LMNA: variants seen among roughly 807,000 people sequenced by gnomAD.
LMNA encodes lamin A/C.
LMNA carries 20 observed loss-of-function variants against 70.4 expected under a neutral mutation model. The observed-to-expected ratio is 0.28, with a 90% confidence interval of 0.20 to 0.41. The LOEUF is 0.41. Ranked by LOEUF, LMNA falls within the 10% of genes least tolerant of loss-of-function variation. LMNA has a pLI of 1.00. For missense variants in LMNA, 652 were observed against 917.2 expected (o/e 0.71, Z 3.73); for synonymous variants, 339 against 372.8 (o/e 0.91, Z 1.04).
intron 1 of LMNA, among the ~76,000 whole-genome samples, chr1:156,120,439 T>G (rs1558119269): frequency 6.6e-6 from 1 of 152,206 alleles, no homozygotes; most frequent in Non-Finnish European, 1.5e-5. Context: ...GACACCTTAG[T>G]GCTCTATGGC....
chr1:156,090,824 T>A (rs1313650717), intron 3 of LMNA, among the ~76,000 whole-genome samples: 2 of 152,148 alleles, frequency 1.3e-5, no homozygotes, highest in Non-Finnish European at 2.9e-5. Context: ...GTGGCCGGCT[T>A]GCATGGATCT....
Position 156,135,739 on chromosome 1 carries a change from A to T in LMNA, c.937-162A>T. The T allele has an allele frequency of 1.5e-6, 1 of 650,204 alleles. No individual in the cohort carries two copies. Among genetic ancestry groups the T allele is most frequent in the Non-Finnish European group, 2.7e-6 (1 of 371,594 alleles). 40.3% of individuals were successfully genotyped at this position (650,204 alleles called of 1,614,324 possible). A position where few individuals can be genotyped will look rare whatever the true frequency, so the allele number is the denominator to read the frequency against. On this transcript the variant is annotated intron_variant, in intron 5 of 11. Coordinates refer to ENST00000368300, the MANE Select transcript of LMNA (RefSeq NM_170707.4). This position sits in a 1 kb window ranked among gnomAD's most constrained non-coding sequence, Gnocchi z 4.8. Reference sequence around the variant, plus strand: ...CCAGTTGCCAGCCAAGACTATGTTTAGAGCTTGTGATGTTCAGAGCTGGCT... The same window carrying T: ...CCAGTTGCCAGCCAAGACTATGTTTTGAGCTTGTGATGTTCAGAGCTGGCT...
rs1408672067 is a variant in LMNA, at chr1:156,139,733, GGT to G, written c.*628_*629del. 2.0e-6 allele frequency: 3 copies of G among 1,485,086 alleles called. No homozygotes were observed. The highest frequency in any genetic ancestry group is 2.7e-6 in the Non-Finnish European group (3 of 1,117,446). The allele number at this position is 1,485,086 out of a possible 1,614,324, so 92.0% of individuals were successfully genotyped here. A position where few individuals can be genotyped will look rare whatever the true frequency, so the allele number is the denominator to read the frequency against. On this transcript the variant is annotated 3_prime_UTR_variant, in exon 12 of 12. Coordinates refer to ENST00000368300, the MANE Select transcript of LMNA (RefSeq NM_170707.4). ...GCCCCGGGGTGAGTCCATTCTCCCA[GGT>G]ACCAGCTGCGCTTGCTTTTCTGTAT...
chr1:156,084,286 C>G (rs1648386849), intron 2 of LMNA, among the ~76,000 whole-genome samples: 1 of 126,544 alleles, frequency 7.9e-6, no homozygotes, highest in African/African-American at 2.8e-5. Context: ...AATTTGCACA[C>G]TAATGGGAGT....
chr1:156,108,449 T>G (rs1217392999), intron 3 of LMNA, among the ~76,000 whole-genome samples: 3 of 152,124 alleles, frequency 2.0e-5, no homozygotes, highest in Non-Finnish European at 4.4e-5. Flanking sequence ...GGTAAGATCT[T>G]GGCTTTCCAA....
chr1:156,126,765 A>G lies in LMNA; in HGVS notation c.357-3852A>G, dbSNP rs1650616395. The G allele has an allele frequency of 2.5e-6, 4 of 1,584,932 alleles. No individual in the cohort carries two copies. The South Asian group carries it at 4.6e-5, about 18-fold the overall frequency. ...GCCAGTGATGGGAAGAGTTAGAAAC[A>G]GGATGCCCAGCCCTTCTCGCCTCAA... On this transcript the variant is annotated intron_variant, in intron 1 of 11. Transcript: ENST00000368300.
At chr1:156,132,790 C>T (rs1403551792) in intron 2 of LMNA, among the ~76,000 whole-genome samples, 1 of 151,764 alleles carries the variant, frequency 6.6e-6, no homozygotes, top group Non-Finnish European at 1.5e-5. Context: ...GCTTCCTTGC[C>T]CTGTTTTTCT....
intron 1 of LMNA, among the ~76,000 whole-genome samples, chr1:156,120,504 G>A (rs149530689): frequency 0.017 from 2,545 of 152,280 alleles, 64 homozygotes; most frequent in African/African-American, 0.059. Context: ...TAAGGCAGGA[G>A]GATCACTTGA....
At position 156,115,666 on chromosome 1, in the gene LMNA, G is replaced by A. The variant is rs1242145824; in HGVS notation, c.356+392G>A. On this transcript the variant is annotated intron_variant, in intron 1 of 11. Coordinates refer to ENST00000368300, the MANE Select transcript of LMNA (RefSeq NM_170707.4). The surrounding 1 kb of genome is among the most constrained non-coding windows in gnomAD (Gnocchi z 5.8). ...CTCTGGGCACCCAGGACACATCGGAGTGGCAGAAAGGGTCCTGTTAGAACT... is the reference window on the plus strand; with the variant it reads ...CTCTGGGCACCCAGGACACATCGGAATGGCAGAAAGGGTCCTGTTAGAACT... 2.0e-5 allele frequency among the ~76,000 whole-genome samples: 3 copies of A among 152,250 alleles called. No homozygotes were observed. Among genetic ancestry groups the A allele is most frequent in the Non-Finnish European group, 4.4e-5 (3 of 68,038 alleles).
rs1441670218 is a variant in LMNA, at chr1:156,115,211, A to G, written c.293A>G (p.Glu98Gly). Residue 98 changes from glutamate (E) to glycine (G), a missense_variant, in exon 1 of 12, where the codon GAG (glutamate) becomes GGG (glycine). Coordinates refer to ENST00000368300, the MANE Select transcript of LMNA (RefSeq NM_170707.4). The surrounding 1 kb of genome is among the most constrained non-coding windows in gnomAD (Gnocchi z 5.8). ...ARKTLDSVAK[E>G]RARLQLELSK... ...AAGACCCTTGACTCAGTAGCCAAGGAGCGCGCCCGCCTGCAGCTGGAGCTG... is the reference window on the plus strand; with the variant it reads ...AAGACCCTTGACTCAGTAGCCAAGGGGCGCGCCCGCCTGCAGCTGGAGCTG... 6.2e-7 allele frequency: 1 copy of G among 1,612,862 alleles called. No individual in the cohort carries two copies. The highest frequency in any genetic ancestry group is 1.3e-5 in the African/African-American group (1 of 74,942).
intron 2 of LMNA, 136 bp downstream of exon 2, chr1:156,130,909 C>G (rs1468709482): frequency 4.8e-6 from 4 of 825,556 alleles, no homozygotes; most frequent in Non-Finnish European, 5.7e-6. Context: ...GTCCTAGAGT[C>G]ATTTTACCCA....
upstream of LMNA, among the ~76,000 whole-genome samples, chr1:156,113,327 A>C (rs142437618): frequency 2.7e-3 from 414 of 151,746 alleles, no homozygotes; most frequent in African/African-American, 9.2e-3. Flanking sequence ...AACAAACAAA[A>C]AAAACAAACA....
chr1:156,137,241 G>A lies in LMNA; in HGVS notation c.1608+9G>A, dbSNP rs772808542. 6.4e-7 allele frequency: 1 copy of A among 1,565,816 alleles called. No individual in the cohort carries two copies. The highest frequency in any genetic ancestry group is 1.2e-5 in the South Asian group (1 of 86,504). Reference sequence around the variant, plus strand: ...TCAACTCCACTGGGGAAGTAAGTAGGCCTGGGCCTGGCTGCTTGCTGGACG... The same window carrying A: ...TCAACTCCACTGGGGAAGTAAGTAGACCTGGGCCTGGCTGCTTGCTGGACG... On this transcript the variant is annotated intron_variant, in intron 9 of 11. Coordinates refer to ENST00000368300, the MANE Select transcript of LMNA (RefSeq NM_170707.4). This position sits in a 1 kb window ranked among gnomAD's most constrained non-coding sequence, Gnocchi z 4.6.
chr1:156,138,559 C>T lies in LMNA; in HGVS notation c.1770C>T (p.Thr590=), dbSNP rs397517896. The T allele has an allele frequency of 1.4e-4, 223 of 1,612,478 alleles. No homozygotes were observed. Among genetic ancestry groups the T allele is most frequent in the Non-Finnish European group, 1.7e-4 (204 of 1,179,796 alleles). Residue 590 remains threonine (T), a synonymous_variant, in exon 11 of 12, where the codon ACC becomes ACT. Coordinates refer to ENST00000368300, the MANE Select transcript of LMNA (RefSeq NM_170707.4). This position sits in a 1 kb window ranked among gnomAD's most constrained non-coding sequence, Gnocchi z 5.5. ...NLRSRTVLCG[T]CGQPADKASA... is the part of the protein sequence containing the mutation. The stretch of plus-strand genomic sequence containing the variant: ...GCTCGCGCACCGTGCTGTGCGGGAC[C>T]TGCGGGCAGCCTGCCGACAAGGCAT...
chr1:156,084,337 G>GC (rs1553259261), intron 2 of LMNA, among the ~76,000 whole-genome samples: 2 of 121,368 alleles, frequency 1.6e-5, no homozygotes, highest in African/African-American at 6.3e-5. Context: ...TCGGGGGGTG[G>GC]TGGGGGCAGT....
upstream of LMNA, among the ~76,000 whole-genome samples, chr1:156,113,761 C>T (rs915785323): frequency 7.9e-5 from 12 of 152,116 alleles, no homozygotes; most frequent in African/African-American, 1.9e-4. Context: ...GTCTTGGCAA[C>T]GTAATGAATG....
At chr1:156,101,672 G>T (rs1649149208) in intron 3 of LMNA, among the ~76,000 whole-genome samples, 2 of 150,002 alleles carry the variant, frequency 1.3e-5, no homozygotes, top group Admixed American at 1.3e-4. Flanking sequence ...GGGAGGGAGC[G>T]AGGGAATCAC....
At chr1:156,083,449 A>T (rs1648346871) in intron 2 of LMNA, 1 of 152,198 alleles carries the variant, frequency 6.6e-6, no homozygotes, top group Non-Finnish European at 1.5e-5. Context: ...GCTTGGGGTG[A>T]TCTGTCCTTT....
intron 3 of LMNA, among the ~76,000 whole-genome samples, chr1:156,100,384 C>T (rs1236600080): frequency 6.6e-6 from 1 of 152,130 alleles, no homozygotes; most frequent in Non-Finnish European, 1.5e-5. Flanking sequence ...AGGGACCTGT[C>T]CTGAACCATC....
Sources: allele counts gnomAD v4.1 joint callset (sites outside exome capture counted in the v4.1 genomes callset), GRCh38; gene constraint gnomAD v4.1.1; non-coding constraint Gnocchi (gnomAD v3.1); transcripts MANE v1.5; gene names NCBI Gene and HGNC (gene_info 2026-07-23, HGNC 2026-07-21).